TAFA1: variants seen among roughly 807,000 people sequenced by gnomAD.
TAFA1 encodes the protein chemokine-like protein TAFA-1.
In TAFA1, 4 loss-of-function variants were observed where a neutral mutation model predicts 18.5. The ratio of observed to expected loss-of-function variants is 0.22; its 90% CI spans 0.11 to 0.49. The LOEUF is 0.49. Ranked by LOEUF, TAFA1 falls within the 20% of genes least tolerant of loss-of-function variation. The pLI is 0.98. For missense variants in TAFA1, 147 were observed against 169.0 expected (o/e 0.87, Z 0.72); for synonymous variants, 56 against 55.2 (o/e 1.01, Z -0.06).
At chr3:68,001,196 G>T (rs1259984717), upstream of TAFA1, among the ~76,000 whole-genome samples, 1 of 152,134 alleles carries the variant, frequency 6.6e-6, no homozygotes, top group African/African-American at 2.4e-5. Context: ...GGAGAATAAA[G>T]AATAAAGAAA....
intron 3 of TAFA1, among the ~76,000 whole-genome samples, chr3:68,504,014 A>T (rs1489544469): frequency 3.3e-5 from 5 of 152,158 alleles, no homozygotes; most frequent in Non-Finnish European, 7.3e-5. Flanking sequence ...ATTTTAGTGC[A>T]TACCTAATTG....
intron 2 of TAFA1, among the ~76,000 whole-genome samples, chr3:68,403,427 T>C (rs2070535502): frequency 6.6e-6 from 1 of 152,194 alleles, no homozygotes; most frequent in Non-Finnish European, 1.5e-5. Context: ...CAGGAGTTAC[T>C]CAGGGACTAG....
chr3:68,449,327 T>A (rs2071529566), intron 3 of TAFA1, among the ~76,000 whole-genome samples: 2 of 152,126 alleles, frequency 1.3e-5, no homozygotes, highest in Non-Finnish European at 2.9e-5. Context: ...CATTTCATCA[T>A]TTCCAAAACA....
At chr3:68,312,533 A>T (rs973908839) in intron 2 of TAFA1, among the ~76,000 whole-genome samples, 7 of 152,178 alleles carry the variant, frequency 4.6e-5, no homozygotes, top group Admixed American at 3.3e-4. Context: ...ACAAAATGTC[A>T]CTAGTCTCTT....
chr3:68,123,240 AG>A (rs1295560981), intron 2 of TAFA1, among the ~76,000 whole-genome samples: 1 of 152,276 alleles, frequency 6.6e-6, no homozygotes. Flanking sequence ...ACCAGGGAGA[AG>A]GGGCGACAGG....
intron 2 of TAFA1, among the ~76,000 whole-genome samples, chr3:68,061,333 G>A (rs919926913): frequency 1.3e-5 from 2 of 152,146 alleles, no homozygotes; most frequent in Non-Finnish European, 2.9e-5. Flanking sequence ...AAATTTCTCT[G>A]TTTGTATAAA....
At position 68,082,235 on chromosome 3, in the gene TAFA1, C is replaced by G. The variant is rs6807398; in HGVS notation, c.118+75491C>G. Reference sequence around the variant, plus strand: ...GTCTGGCACTCCCTAGTGAGATGAACCCGGTACCTCAGATGGAAATGCAGA... The same window carrying G: ...GTCTGGCACTCCCTAGTGAGATGAAGCCGGTACCTCAGATGGAAATGCAGA... On this transcript the variant is annotated intron_variant, in intron 2 of 4. Transcript: ENST00000478136. Among the ~76,000 whole-genome samples, 581 of 152,328 alleles carry G rather than the reference C, an allele frequency of 3.8e-3. 1 individual carries two copies. The highest frequency in any genetic ancestry group is 0.013 in the African/African-American group (559 of 41,558).
intron 2 of TAFA1, among the ~76,000 whole-genome samples, chr3:68,363,510 A>G (rs553875339): frequency 6.6e-6 from 1 of 152,336 alleles, no homozygotes; most frequent in Non-Finnish European, 1.5e-5. Flanking sequence ...TAATACATGG[A>G]AAATGGGAAT....
chr3:68,475,221 C>T (rs548823096), intron 3 of TAFA1, among the ~76,000 whole-genome samples: 172 of 151,996 alleles, frequency 1.1e-3, no homozygotes, highest in African/African-American at 3.9e-3. Context: ...AGGTTTGTTA[C>T]ATATGTATAC....
chr3:68,470,948 C>T (rs534990874), intron 3 of TAFA1, among the ~76,000 whole-genome samples: 24 of 152,180 alleles, frequency 1.6e-4, no homozygotes, highest in African/African-American at 5.8e-4. Flanking sequence ...ACCTGGAAGC[C>T]TAGGAGGGAA....
chr3:68,119,285 C>T (rs969329675), intron 2 of TAFA1, among the ~76,000 whole-genome samples: 18 of 152,052 alleles, frequency 1.2e-4, no homozygotes, highest in Admixed American at 4.6e-4. Flanking sequence ...TGTCTATTAA[C>T]TCTTTATCAG....
chr3:68,480,652 T>G (rs2072216700), intron 3 of TAFA1, among the ~76,000 whole-genome samples: 1 of 152,146 alleles, frequency 6.6e-6, no homozygotes, highest in African/African-American at 2.4e-5. Flanking sequence ...TATAAACTCT[T>G]TGAGAGCAAA....
At chr3:68,265,757 T>C (rs1016599763) in intron 2 of TAFA1, among the ~76,000 whole-genome samples, 2 of 152,158 alleles carry the variant, frequency 1.3e-5, no homozygotes, top group Admixed American at 1.3e-4. Context: ...CTGTGAACTG[T>C]TGCGTACTGC....
intron 2 of TAFA1, among the ~76,000 whole-genome samples, chr3:68,281,906 C>T (rs980980681): frequency 1.5e-4 from 23 of 152,026 alleles, no homozygotes; most frequent in African/African-American, 3.4e-4. Context: ...TCCATTCTCA[C>T]GCTGCTAATA....
intron 2 of TAFA1, among the ~76,000 whole-genome samples, chr3:68,198,350 G>T (rs574518028): frequency 6.6e-6 from 1 of 151,684 alleles, no homozygotes; most frequent in African/African-American, 2.4e-5. Context: ...GCAAGTTTTT[G>T]TGTGGACATT....
intron 2 of TAFA1, among the ~76,000 whole-genome samples, chr3:68,349,166 C>T (rs1343740559): frequency 6.6e-6 from 1 of 151,744 alleles, no homozygotes; most frequent in Non-Finnish European, 1.5e-5. Context: ...CTCCTACCAG[C>T]TCTGTTATCT....
At chr3:67,992,854 C>A in the TAFA1 span, among the ~76,000 whole-genome samples, 1 of 152,278 alleles carries the variant, frequency 6.6e-6, no homozygotes, top group East Asian at 1.9e-4. Context: ...TAAAAGTAGC[C>A]ACCACTATAA....
At chr3:68,255,281 G>A (rs1485550771) in intron 2 of TAFA1, among the ~76,000 whole-genome samples, 2 of 151,852 alleles carry the variant, frequency 1.3e-5, no homozygotes, top group South Asian at 2.1e-4. Flanking sequence ...CTTTTATTAG[G>A]TTTGGCTTAC....
At chr3:68,306,447 A>G (rs2068423944) in intron 2 of TAFA1, among the ~76,000 whole-genome samples, 1 of 152,104 alleles carries the variant, frequency 6.6e-6, no homozygotes, top group South Asian at 2.1e-4. Flanking sequence ...GGTTTGTCTG[A>G]GTTTAGTTTT....
Sources: allele counts gnomAD v4.1 joint callset (sites outside exome capture counted in the v4.1 genomes callset), GRCh38; gene constraint gnomAD v4.1.1; transcripts MANE v1.5; gene names NCBI Gene and HGNC (gene_info 2026-07-23, HGNC 2026-07-21).